The following SF3B1 variants were observed in gnomAD, a reference collection of about 807,000 sequenced individuals.
The protein encoded by SF3B1 is splicing factor 3b subunit 1, also known as pre-mRNA processing 10.
Under a neutral mutation model 153.8 loss-of-function variants are expected in SF3B1, and 12 were observed. That is an observed-to-expected ratio of 0.08 (90% CI 0.05 to 0.13). SF3B1 has a LOEUF of 0.13. SF3B1 is among the 10% of genes least tolerant of loss of function. SF3B1 has a pLI of 1.00. For synonymous variants in SF3B1, 498 were observed against 525.2 expected, an observed-to-expected ratio of 0.95 and a Z score of 0.71; for missense variants, 513 against 1,606.1, an observed-to-expected ratio of 0.32 and a Z score of 11.63.
intron 20 of SF3B1, chr2:197,399,169 A>T: frequency 9.4e-7 from 1 of 1,066,494 alleles, no homozygotes; most frequent in Non-Finnish European, 1.2e-6. Context: ...CTCCCTGCAA[A>T]CCAGAGCCCT....
intron 1 of SF3B1, among the ~76,000 whole-genome samples, chr2:197,427,629 A>G (rs1188978912): frequency 1.3e-5 from 2 of 152,248 alleles, no homozygotes; most frequent in African/African-American, 4.8e-5. Context: ...AAGGTGGGAA[A>G]AAATACGGCA....
chr2:197,401,532 G>A lies in SF3B1; in HGVS notation c.2371-7C>T. ...CACAACACTGTTTTACCACCTAAAA[G>A]GTTAAGAAATAGTAATAATAAATCA... On this transcript the variant is annotated splice_region_variant and splice_polypyrimidine_tract_variant and intron_variant, in intron 16 of 24. Coordinates refer to ENST00000335508, the MANE Select transcript of SF3B1 (RefSeq NM_012433.4). The surrounding 1 kb of genome is among the most constrained non-coding windows in gnomAD (Gnocchi z 4.2). The A allele has an allele frequency of 6.2e-7, 1 of 1,606,906 alleles. No individual in the cohort carries two copies. Among genetic ancestry groups the A allele is most frequent in the East Asian group, 2.2e-5 (1 of 44,760 alleles).
chr2:197,418,810 T>A, intron 4 of SF3B1: 1 of 1,499,824 alleles, frequency 6.7e-7, no homozygotes, highest in African/African-American at 1.4e-5. Context: ...AAACAAATAT[T>A]TTAATGCATA....
At chr2:197,396,381 TG>T (rs1434758601) in intron 22 of SF3B1, 53 bp from the exon 23 acceptor site, 8 of 1,477,906 alleles carry the variant, frequency 5.4e-6, no homozygotes, top group Non-Finnish European at 7.3e-6. Flanking sequence ...CAAAAATTTA[TG>T]GAAGAAAAAA....
chr2:197,420,677 T>C (rs1279324851), intron 3 of SF3B1, 135 bp from the exon 4 acceptor site: 1 of 567,466 alleles, frequency 1.8e-6, no homozygotes. Context: ...GTTTCACAGA[T>C]AAATGTTAAA....
At chr2:197,418,900 T>C in intron 4 of SF3B1, 1 of 1,594,136 alleles carries the variant, frequency 6.3e-7, no homozygotes, top group East Asian at 2.3e-5. Flanking sequence ...ACGTACACTT[T>C]CGTGCCTTTG....
In SF3B1 at chr2:197,427,497, AAACT is replaced by A. The variant is rs199752569; in HGVS notation, c.29-3527_29-3524del. 9.7e-3 allele frequency among the ~76,000 whole-genome samples: 1,479 copies of A among 152,366 alleles called. 34 individuals are homozygous for A. The highest frequency in any genetic ancestry group is 0.033 in the African/African-American group (1,361 of 41,578). The stretch of plus-strand genomic sequence containing the variant: ...ACTAAAAACTCAGAAATTTCTTAAT[AAACT>A]ATGTGCTAAAATACCAAATATAACA... On this transcript the variant is annotated intron_variant, in intron 1 of 24. Coordinates refer to ENST00000335508, the MANE Select transcript of SF3B1 (RefSeq NM_012433.4).
chr2:197,416,564 A>G, intron 6 of SF3B1, 177 bp downstream of exon 6: 1 of 557,700 alleles, frequency 1.8e-6, no homozygotes, highest in Non-Finnish European at 3.1e-6. Context: ...ACAAACACCA[A>G]CCCTGTTGGC....
chr2:197,419,092 G>C, intron 4 of SF3B1: 1 of 613,502 alleles, frequency 1.6e-6, no homozygotes, highest in Non-Finnish European at 2.8e-6. Flanking sequence ...TAAAACAATT[G>C]TAGTTTAGAA....
intron 1 of SF3B1, among the ~76,000 whole-genome samples, chr2:197,425,523 G>C (rs1473154344): frequency 1.3e-5 from 2 of 152,086 alleles, no homozygotes; most frequent in African/African-American, 4.8e-5. Context: ...ATTGCTAGCT[G>C]CATGAATCAA....
intron 6 of SF3B1, chr2:197,416,492 T>C (rs1183386924): frequency 2.1e-5 from 8 of 373,026 alleles, no homozygotes; most frequent in African/African-American, 1.5e-4. Flanking sequence ...AGGAAGAGCA[T>C]GGACAACAGA....
chr2:197,430,452 T>G (rs1191699097), intron 1 of SF3B1, among the ~76,000 whole-genome samples: 3 of 151,820 alleles, frequency 2.0e-5, no homozygotes, highest in Admixed American at 1.3e-4. Flanking sequence ...CTCACGGTAG[T>G]TTTTTTTGTT....
chr2:197,417,048 C>T lies in SF3B1; in HGVS notation c.496-137G>A, dbSNP rs890382030. On this transcript the variant is annotated intron_variant, in intron 5 of 24. Coordinates refer to ENST00000335508, the MANE Select transcript of SF3B1 (RefSeq NM_012433.4). ...CTATGTACTGGTGATCTCCTTTCTA[C>T]GCTCGCTGGTTCCATAGTCTGTGCG... 42 of 833,838 alleles carry T rather than the reference C, an allele frequency of 5.0e-5. No individual in the cohort carries two copies. In the East Asian group the frequency reaches 5.2e-4, roughly 10 times the overall value. The allele number at this position is 833,838 out of a possible 1,614,324, so 51.7% of individuals were successfully genotyped here.
rs551066966 is a variant in SF3B1, at chr2:197,397,207, C to T, written c.3266+778G>A. 5.7e-4 allele frequency among the ~76,000 whole-genome samples: 87 copies of T among 152,192 alleles called. No homozygotes were observed. In the Middle Eastern group the frequency reaches 0.01, roughly 18 times the overall value. ...TTTTAGAGACAGGGTCTCGCCCTGT[C>T]GCCCAGGTGCCCAGATGCCCAGGTT... On this transcript the variant is annotated intron_variant, in intron 22 of 24. Coordinates refer to ENST00000335508, the MANE Select transcript of SF3B1 (RefSeq NM_012433.4).
chr2:197,396,184 T>C lies in SF3B1; in HGVS notation c.3411A>G (p.Arg1137=), dbSNP rs142117190. The C allele has an allele frequency of 1.5e-4, 250 of 1,613,994 alleles. 1 individual carries two copies. In the African/African-American group the frequency reaches 3.1e-3, roughly 20 times the overall value. ...CATTTTGAACATTCAGTTCAGGAACTCTGTATTCATTCATTAAGGCAGGGA... is the reference window on the plus strand; with the variant it reads ...CATTTTGAACATTCAGTTCAGGAACCCTGTATTCATTCATTAAGGCAGGGA... The part of the protein sequence containing the change: ...TVLPALMNEY[R]VPELNVQNGV... The change falls in exon 23 of 25, where the codon AGA becomes AGG. Residue 1137 remains arginine (R), a synonymous_variant. Transcript: ENST00000335508.
chr2:197,415,502 C>T (rs2085134843), intron 6 of SF3B1, among the ~76,000 whole-genome samples: 1 of 152,042 alleles, frequency 6.6e-6, no homozygotes. Context: ...GATCCGCCTG[C>T]CTTGGCCTCC....
chr2:197,409,506 G>C (rs1472611050), intron 7 of SF3B1, among the ~76,000 whole-genome samples: 1 of 152,106 alleles, frequency 6.6e-6, no homozygotes, highest in African/African-American at 2.4e-5. Context: ...AGGCTACAGT[G>C]AGCAAGACCC....
chr2:197,403,145 T>G (rs2084952806), intron 12 of SF3B1, 110 bp from the exon 13 acceptor site: 2 of 809,190 alleles, frequency 2.5e-6, no homozygotes, highest in African/African-American at 3.5e-5. Flanking sequence ...GGACTTTTGT[T>G]AATCAAGGGA....
chr2:197,405,412 T>G lies in SF3B1; in HGVS notation c.1300A>C (p.Thr434Pro), dbSNP rs367701030. The change falls in exon 10 of 25, where the codon ACT becomes CCT. Residue 434 changes from threonine to proline, a missense_variant. Physicochemically the swap from Thr to Pro is conservative, Grantham distance 38 (BLOSUM62 -1). Around this residue, in one of 21 missense-constraint regions of SF3B1, gnomAD observed 15 missense variants for 94.8 expected, o/e 0.16. Coordinates refer to ENST00000335508, the MANE Select transcript of SF3B1 (RefSeq NM_012433.4). Reference sequence around the variant, plus strand: ...GTCATACCACCCAAAGGTGTTGGAGTAGCTGTCAGCTTTCGAGCTGGAGTT... The same window carrying G: ...GTCATACCACCCAAAGGTGTTGGAGGAGCTGTCAGCTTTCGAGCTGGAGTT... The part of the protein sequence containing the change: ...IRTPARKLTA[T>P]PTPLGGMTGF... 2.5e-6 allele frequency: 4 copies of G among 1,613,884 alleles called. No individual in the cohort carries two copies. The highest frequency in any genetic ancestry group is 3.4e-6 in the Non-Finnish European group (4 of 1,179,934).
Sources: gnomAD v4.1 joint callset for allele counts (sites outside exome capture counted in the v4.1 genomes callset) on GRCh38, gnomAD v4.1.1 for gene constraint, gnomAD v4.1.1 regional missense constraint, Gnocchi (gnomAD v3.1) non-coding constraint, MANE v1.5 for transcripts, NCBI Gene and HGNC (gene_info 2026-07-23, HGNC 2026-07-21) for gene names.